Variants in ANKRD26 observed in about 807,000 individuals in gnomAD.
The protein encoded by ANKRD26 is ankyrin repeat domain 26, also known as ankyrin repeat domain-containing protein 26.
In ANKRD26, 141 loss-of-function variants were observed where a neutral mutation model predicts 208.7. That is an observed-to-expected ratio of 0.68 (90% confidence interval 0.59 to 0.78). The LOEUF is 0.78. Among genes scored for constraint, ANKRD26 ranks in the 30% least tolerant of loss-of-function variants. The pLI is 0.00. For synonymous variants in ANKRD26, 636 were observed against 660.4 expected, an observed-to-expected ratio of 0.96 and a Z score of 0.57; for missense variants, 1,889 against 1,938.7, an observed-to-expected ratio of 0.97 and a Z score of 0.48.
chr10:27,040,374 A>C (rs2054193855), intron 20 of ANKRD26, among the ~76,000 whole-genome samples, 196 bp from the exon 21 acceptor site: 1 of 152,182 alleles, frequency 6.6e-6, no homozygotes, highest in Admixed American at 6.5e-5. Context: ...TAGTGAAGAC[A>C]AAAAAAGTGA....
rs1408233790 is a variant in ANKRD26 at position 27,066,548 on chromosome 10, T to G, written c.1208A>C (p.Asp403Ala). ...TCCTAATCCTAATGCGGACATCATA[T>G]CTATCAAATGTGATACACAGATATA... ...VDEVHKNNRS[D>A]MMSALGLGQE... The change falls in exon 11 of 34, where the codon GAT becomes GCT. Residue 403 changes from aspartate to alanine, a missense_variant and splice_region_variant. Asp to Ala is a moderately radical substitution (Grantham distance 126). This residue lies in a region of ANKRD26 where 1,272 missense variants were observed against 1,273.8 expected (regional missense o/e 1.00). Transcript: ENST00000376087. 6.3e-7 allele frequency: 1 copy of G among 1,593,544 alleles called. No individual in the cohort carries two copies. The highest frequency in any genetic ancestry group is 8.6e-7 in the Non-Finnish European group (1 of 1,166,250).
At chr10:27,052,781 TG>T (rs1427282191) in intron 16 of ANKRD26, among the ~76,000 whole-genome samples, 1 of 152,136 alleles carries the variant, frequency 6.6e-6, no homozygotes, top group Admixed American at 6.6e-5. Context: ...TCTTAATAAC[TG>T]GGTTGATTTT....
intron 4 of ANKRD26, among the ~76,000 whole-genome samples, chr10:26,998,822 C>G (rs1249658566): frequency 6.6e-6 from 1 of 152,088 alleles, no homozygotes; most frequent in Non-Finnish European, 1.5e-5. Context: ...GAAGTTAGAT[C>G]CCCAGCTGCC....
At chr10:27,016,088 T>G (rs1266650876) in intron 30 of ANKRD26, among the ~76,000 whole-genome samples, 1 of 152,116 alleles carries the variant, frequency 6.6e-6, no homozygotes, top group African/African-American at 2.4e-5. Flanking sequence ...TGGGCTTACA[T>G]GATCCTCTCA....
intron 15 of ANKRD26, among the ~76,000 whole-genome samples, chr10:27,054,872 T>C (rs2135399515): frequency 6.6e-6 from 1 of 152,280 alleles, no homozygotes; most frequent in African/African-American, 2.4e-5. Flanking sequence ...ATGAAAGCCT[T>C]ATATGTAATC....
rs2055010330 is a variant in ANKRD26 at position 27,060,362 on chromosome 10, A to G, written c.1547T>C (p.Val516Ala). ...VPNKAGGMKDVQTSKAAEHDL... is the reference protein window; with the variant it reads ...VPNKAGGMKDAQTSKAAEHDL... Reference sequence around the variant, plus strand: ...ACATTTACCTGCTTTGGATGTTTGTACATCCTTCATTCCTCCTGCTTTATT... The same window carrying G: ...ACATTTACCTGCTTTGGATGTTTGTGCATCCTTCATTCCTCCTGCTTTATT... Residue 516 changes from valine (V) to alanine (A), a missense_variant, in exon 15 of 34, where the codon GTA (valine) becomes GCA (alanine). By Grantham distance (64) the Val-to-Ala change is moderately conservative. Transcript: ENST00000376087. 1 of 1,611,468 alleles carries G rather than the reference A, an allele frequency of 6.2e-7. No homozygotes were observed. The highest frequency in any genetic ancestry group is 8.5e-7 in the Non-Finnish European group (1 of 1,177,740).
At chr10:27,024,779 G>C (rs1203482118) in intron 27 of ANKRD26, among the ~76,000 whole-genome samples, 1 of 152,060 alleles carries the variant, frequency 6.6e-6, no homozygotes, top group African/African-American at 2.4e-5. Flanking sequence ...GTTAAAAATA[G>C]AAGTTTTTAC....
chr10:27,045,133 C>A (rs2054393524), intron 18 of ANKRD26, among the ~76,000 whole-genome samples: 1 of 152,178 alleles, frequency 6.6e-6, no homozygotes, highest in East Asian at 1.9e-4. Flanking sequence ...ATTCAAAAAT[C>A]CTTATTGAAG....
At chr10:26,984,220 C>T (rs2052350948) in intron 3 of ANKRD26, among the ~76,000 whole-genome samples, 2 of 152,106 alleles carry the variant, frequency 1.3e-5, no homozygotes, top group Admixed American at 1.3e-4. Flanking sequence ...ATCATAATGG[C>T]TAATACACAA....
At chr10:27,016,258 G>A (rs1352964354) in intron 30 of ANKRD26, among the ~76,000 whole-genome samples, 1 of 152,056 alleles carries the variant, frequency 6.6e-6, no homozygotes, top group Non-Finnish European at 1.5e-5. Flanking sequence ...CAAAGTGCTA[G>A]GATTACAGGT....
At chr10:27,067,831 A>C (rs1319521417) in intron 9 of ANKRD26, among the ~76,000 whole-genome samples, 1 of 152,222 alleles carries the variant, frequency 6.6e-6, no homozygotes, top group Non-Finnish European at 1.5e-5. Context: ...CCAGTCAGTA[A>C]GACAATAAGC....
At chr10:27,026,529 T>G (rs79092159) in intron 27 of ANKRD26, among the ~76,000 whole-genome samples, 2,858 of 152,284 alleles carry the variant, frequency 0.019, 158 homozygotes, top group East Asian at 0.16. Flanking sequence ...GGTGTATCTG[T>G]ATAGGAGAGT....
intron 5 of ANKRD26, among the ~76,000 whole-genome samples, chr10:26,978,180 G>A (rs952097664): frequency 1.3e-5 from 2 of 152,172 alleles, no homozygotes; most frequent in African/African-American, 4.8e-5. Flanking sequence ...GCAGGGTGCA[G>A]TGGCTCATGT....
chr10:27,017,214 G>T (rs936686580), intron 30 of ANKRD26, among the ~76,000 whole-genome samples: 1 of 152,002 alleles, frequency 6.6e-6, no homozygotes, highest in Non-Finnish European at 1.5e-5. Flanking sequence ...TCAAGAATAT[G>T]GTATAATTTC....
chr10:26,964,433 T>C, the ANKRD26 span, among the ~76,000 whole-genome samples: 2 of 152,224 alleles, frequency 1.3e-5, no homozygotes, highest in Admixed American at 6.5e-5. Context: ...CATCTGGAGA[T>C]ATCATTTTGG....
chr10:27,042,438 G>A (rs2054273783), intron 20 of ANKRD26, among the ~76,000 whole-genome samples: 1 of 151,758 alleles, frequency 6.6e-6, no homozygotes, highest in African/African-American at 2.4e-5. Context: ...CCAACATGAT[G>A]AAACCCCGCC....
rs1589350711 is a variant in ANKRD26 at position 27,079,211 on chromosome 10, A to G, written c.741-50T>C. 4.6e-6 allele frequency: 7 copies of G among 1,515,084 alleles called. No individual in the cohort carries two copies. The East Asian group carries it at 1.6e-4, about 34-fold the overall frequency. 93.9% of individuals were successfully genotyped at this position (1,515,084 alleles called of 1,614,324 possible). ...TGAGTGAATTCATTTCTTTAAAAACAAAACAAAAACCAGCTTACAATTTTC... is the reference window on the plus strand; with the variant it reads ...TGAGTGAATTCATTTCTTTAAAAACGAAACAAAAACCAGCTTACAATTTTC... On this transcript the variant is annotated intron_variant, in intron 6 of 33. Coordinates refer to ENST00000376087, the MANE Select transcript of ANKRD26 (RefSeq NM_014915.3).
In ANKRD26 at chr10:27,022,586, T is replaced by TTA; in HGVS notation, c.4186_4187insTA (p.Asp1396ValfsTer8). The TTA allele has an allele frequency of 6.5e-7, 1 of 1,541,064 alleles. No individual in the cohort carries two copies. The highest frequency in any genetic ancestry group is 8.9e-7 in the Non-Finnish European group (1 of 1,119,530). The stretch of plus-strand genomic sequence containing the variant: ...ATGTTTTAGCTTATTAATCTGAATA[T>TTA]CCATTTCAAATTGACTAGTTTTTAA... On this transcript the variant is annotated frameshift_variant, in exon 29 of 34. Transcript: ENST00000376087. LOFTEE classifies it high-confidence loss of function.
chr10:26,965,797 C>A, the ANKRD26 span, among the ~76,000 whole-genome samples: 1 of 152,010 alleles, frequency 6.6e-6, no homozygotes, highest in Non-Finnish European at 1.5e-5. Context: ...AAAAGACAAA[C>A]AACCTCATCA....
Sources: allele counts gnomAD v4.1 joint callset (sites outside exome capture counted in the v4.1 genomes callset), GRCh38; gene constraint gnomAD v4.1.1; regional missense constraint gnomAD v4.1.1; transcripts MANE v1.5; gene names NCBI Gene and HGNC (gene_info 2026-07-23, HGNC 2026-07-21).